Variants in SPATC1 observed in about 807,000 individuals in gnomAD.
SPATC1 encodes the protein spermatogenesis and centriole associated 1.
SPATC1 carries 35 observed loss-of-function variants against 36.5 expected under a neutral mutation model. That is an observed-to-expected ratio of 0.96 (90% confidence interval 0.73 to 1.27). The LOEUF (loss-of-function observed/expected upper bound fraction) is 1.27, where lower values mean the gene tolerates loss of function less well. Ranked by LOEUF, SPATC1 falls within the 50% of genes most tolerant of loss-of-function variation. The pLI, the probability that SPATC1 is intolerant of heterozygous loss-of-function variation, is 0.00. For synonymous variants in SPATC1, 361 were observed against 353.6 expected, an observed-to-expected ratio of 1.02 and a Z score of -0.24; for missense variants, 779 against 796.0, an observed-to-expected ratio of 0.98 and a Z score of 0.26.
chr8:144,034,802 T>C (rs1358049972), intron 1 of SPATC1, among the ~76,000 whole-genome samples: 1 of 152,074 alleles, frequency 6.6e-6, no homozygotes, highest in Admixed American at 6.6e-5. Context: ...TGTGTATTTT[T>C]AGTAGAGACG....
At chr8:144,017,078 G>A (rs182171083) in intron 1 of SPATC1, among the ~76,000 whole-genome samples, 1 of 152,288 alleles carries the variant, frequency 6.6e-6, no homozygotes, top group African/African-American at 2.4e-5. Flanking sequence ...TAGTCCTCCA[G>A]GTGGGAGATG....
intron 1 of SPATC1, among the ~76,000 whole-genome samples, chr8:144,031,864 A>G (rs945962583): frequency 0.038 from 5,783 of 151,460 alleles, 380 homozygotes; most frequent in African/African-American, 0.13. Flanking sequence ...GACCACAGGC[A>G]TGTGCCATCA....
intron 4 of SPATC1, among the ~76,000 whole-genome samples, chr8:144,044,543 C>T (rs1375820047): frequency 2.7e-5 from 4 of 150,156 alleles, no homozygotes; most frequent in South Asian, 4.2e-4. Flanking sequence ...CTCCTGACCT[C>T]GTGATCCGCC....
chr8:144,029,670 T>G (rs1834756145), intron 1 of SPATC1, among the ~76,000 whole-genome samples: 1 of 152,222 alleles, frequency 6.6e-6, no homozygotes, highest in Non-Finnish European at 1.5e-5. Context: ...ATTCTTATGG[T>G]CAGAGAAGAT....
chr8:144,028,103 T>C (rs906178836), intron 1 of SPATC1, among the ~76,000 whole-genome samples: 9 of 152,124 alleles, frequency 5.9e-5, no homozygotes, highest in Non-Finnish European at 1.2e-4. Context: ...ATAAAAACTC[T>C]AGAAGAAAAT....
rs1318905679 is a variant in SPATC1 at position 144,046,482 on chromosome 8, T to C, written c.1447-145T>C. On this transcript the variant is annotated intron_variant, in intron 4 of 4. Coordinates refer to ENST00000377470, the MANE Select transcript of SPATC1 (RefSeq NM_198572.3). This position sits in a 1 kb window ranked among gnomAD's most constrained non-coding sequence, Gnocchi z 6.6. ...CACTGGGTTCCCCTGTCCTAGATTCTTGAGGTCTGTCGCAGAACCTCCCCA... is the reference window on the plus strand; with the variant it reads ...CACTGGGTTCCCCTGTCCTAGATTCCTGAGGTCTGTCGCAGAACCTCCCCA... 3 of 739,090 alleles carry C rather than the reference T, an allele frequency of 4.1e-6. No individual in the cohort carries two copies. Among genetic ancestry groups the C allele is most frequent in the Non-Finnish European group, 4.4e-6 (2 of 458,316 alleles). The allele number at this position is 739,090 out of a possible 1,614,324, so 45.8% of individuals were successfully genotyped here.
At chr8:144,027,996 A>AG (rs1587504015) in intron 1 of SPATC1, among the ~76,000 whole-genome samples, 1 of 152,152 alleles carries the variant, frequency 6.6e-6, no homozygotes, top group East Asian at 1.9e-4. Flanking sequence ...CTATCAAAAA[A>AG]AAAAAGATTA....
chr8:144,023,738 C>T (rs1362829759), intron 1 of SPATC1, among the ~76,000 whole-genome samples: 3 of 440 alleles, frequency 6.8e-3, no homozygotes, highest in African/African-American at 0.022. Flanking sequence ...GGACCCTCTC[C>T]CCTCAAAACT....
chr8:144,035,953 C>T (rs1462966162), intron 1 of SPATC1, among the ~76,000 whole-genome samples: 6 of 152,328 alleles, frequency 3.9e-5, no homozygotes, highest in African/African-American at 1.4e-4. Flanking sequence ...CTCTGAGCTC[C>T]ATCCTCCACC....
At chr8:144,012,806 T>C in intron 1 of SPATC1, 80 bp downstream of exon 1, 1 of 1,452,434 alleles carries the variant, frequency 6.9e-7, no homozygotes, top group African/African-American at 1.4e-5. Flanking sequence ...TGCTGAGGTC[T>C]CAGGAGGTCA....
intron 1 of SPATC1, among the ~76,000 whole-genome samples, chr8:144,014,272 A>G (rs895998193): frequency 6.8e-5 from 10 of 146,920 alleles, no homozygotes; most frequent in African/African-American, 2.7e-4. Context: ...AAAGAAAGAA[A>G]GAAAGAGAGA....
chr8:144,012,851 C>T (rs1476376056), intron 1 of SPATC1, 125 bp downstream of exon 1: 3 of 965,304 alleles, frequency 3.1e-6, no homozygotes, highest in South Asian at 1.5e-5. Context: ...CCTCTCTGCT[C>T]TAACACACTC....
At chr8:144,028,323 T>C (rs1223091662) in intron 1 of SPATC1, among the ~76,000 whole-genome samples, 1 of 151,452 alleles carries the variant, frequency 6.6e-6, no homozygotes, top group African/African-American at 2.4e-5. Context: ...AAAGGTCTAA[T>C]ATCCAGAGTC....
chr8:144,036,359 C>T (rs1209235331), intron 1 of SPATC1, among the ~76,000 whole-genome samples: 1 of 152,132 alleles, frequency 6.6e-6, no homozygotes, highest in East Asian at 1.9e-4. Flanking sequence ...GGATCTCATG[C>T]CGTCACTCAG....
intron 1 of SPATC1, among the ~76,000 whole-genome samples, chr8:144,027,544 C>A (rs1185182356): frequency 6.6e-6 from 1 of 152,086 alleles, no homozygotes. Flanking sequence ...GCAGATTCAC[C>A]CCAAGTTTTA....
At position 144,045,231 on chromosome 8, in the gene SPATC1, G is replaced by A. The variant is rs1835227690; in HGVS notation, c.1447-1396G>A. 6.6e-6 allele frequency among the ~76,000 whole-genome samples: 1 copy of A among 152,196 alleles called. No homozygotes were observed. The highest frequency in any genetic ancestry group is 6.5e-5 in the Admixed American group (1 of 15,278). On this transcript the variant is annotated intron_variant, in intron 4 of 4. Coordinates refer to ENST00000377470, the MANE Select transcript of SPATC1 (RefSeq NM_198572.3). The surrounding 1 kb of genome is among the most constrained non-coding windows in gnomAD (Gnocchi z 5.2). Reference sequence around the variant, plus strand: ...TGGTGTCTTCCTGCCCCCCACAACTGTGCATATTACTCGTTTGCCTAGAAG... The same window carrying A: ...TGGTGTCTTCCTGCCCCCCACAACTATGCATATTACTCGTTTGCCTAGAAG...
At chr8:144,014,850 C>G (rs1554752960) in intron 1 of SPATC1, among the ~76,000 whole-genome samples, 3 of 152,148 alleles carry the variant, frequency 2.0e-5, no homozygotes, top group Non-Finnish European at 4.4e-5. Context: ...GTATGTGGCA[C>G]ACACTATGCA....
Position 144,040,740 on chromosome 8 carries a change from C to T in SPATC1, c.939C>T (p.Ala313=). The T allele has an allele frequency of 6.2e-7, 1 of 1,613,074 alleles. No individual in the cohort carries two copies. Among genetic ancestry groups the T allele is most frequent in the Non-Finnish European group, 8.5e-7 (1 of 1,179,702 alleles). ...ACACACAGGCCCAGCCCAGTGCCGC[C>T]CAGGAACAAGTGGTCCCTGCATCTG... is the stretch of plus-strand genomic sequence containing the variant. The part of the protein sequence containing the change: ...TSDTQAQPSA[A]QEQVVPASVP... The change falls in exon 3 of 5, where the codon GCC becomes GCT. Residue 313 remains alanine, a synonymous_variant. Transcript: ENST00000377470.
intron 1 of SPATC1, among the ~76,000 whole-genome samples, chr8:144,036,485 G>A (rs1237042970): frequency 1.4e-4 from 22 of 152,020 alleles, no homozygotes; most frequent in Admixed American, 1.2e-3. Context: ...CACCATACCC[G>A]GCTAATTTTT....
Sources: allele counts gnomAD v4.1 joint callset (sites outside exome capture counted in the v4.1 genomes callset), GRCh38; gene constraint gnomAD v4.1.1; non-coding constraint Gnocchi (gnomAD v3.1); transcripts MANE v1.5; gene names NCBI Gene and HGNC (gene_info 2026-07-23, HGNC 2026-07-21).